Variants in AP3B2 observed in about 807,000 individuals in gnomAD.
AP3B2 encodes the protein AP-3 complex subunit beta-2.
AP3B2 carries 50 observed loss-of-function variants against 126.9 expected under a neutral mutation model. That is an observed-to-expected ratio of 0.39 (90% CI 0.31 to 0.50). AP3B2 has a LOEUF of 0.50. Among genes scored for constraint, AP3B2 ranks in the 20% least tolerant of loss-of-function variants. AP3B2 has a pLI of 0.79. For synonymous variants in AP3B2, 541 were observed against 565.0 expected, an observed-to-expected ratio of 0.96 and a Z score of 0.60; for missense variants, 1,177 against 1,426.4, an observed-to-expected ratio of 0.83 and a Z score of 2.82.
intron 10 of AP3B2, 51 bp downstream of exon 10, chr15:82,679,678 A>C: frequency 2.0e-6 from 3 of 1,520,956 alleles, no homozygotes; most frequent in Non-Finnish European, 9.1e-7. Flanking sequence ...TTGAGTGGGT[A>C]CATGGGGTGG....
At chr15:82,685,088 A>T (rs574151816) in intron 4 of AP3B2, 1 of 152,328 alleles carries the variant, frequency 6.6e-6, no homozygotes, top group Admixed American at 6.5e-5. Flanking sequence ...AACACACACA[A>T]CATTTATTGA....
At position 82,666,884 on chromosome 15, in the gene AP3B2, T is replaced by A; in HGVS notation, c.1715A>T (p.Asn572Ile). 1 of 1,613,988 alleles carries A rather than the reference T, an allele frequency of 6.2e-7. No individual in the cohort carries two copies. Among genetic ancestry groups the A allele is most frequent in the Non-Finnish European group, 8.5e-7 (1 of 1,179,852 alleles). Residue 572 changes from asparagine to isoleucine, a missense_variant, in exon 15 of 27, where the codon AAC becomes ATC. Asn to Ile is a moderately radical substitution (Grantham distance 149). This residue lies in a region of AP3B2 where 308 missense variants were observed against 452.4 expected (regional missense o/e 0.68). Transcript: ENST00000535359. ...YVLSLAKYDQ[N>I]YDIRDRARFT... ...GCGCGCCCGGTCGCGAATATCATAGTTCTGGTCATATTTGGCCAGACTCAG... is the reference window on the plus strand; with the variant it reads ...GCGCGCCCGGTCGCGAATATCATAGATCTGGTCATATTTGGCCAGACTCAG...
At chr15:82,676,990 C>T (rs900600609) in intron 13 of AP3B2, among the ~76,000 whole-genome samples, 2 of 152,046 alleles carry the variant, frequency 1.3e-5, no homozygotes, top group Non-Finnish European at 1.5e-5. Context: ...CTTAGCAGTG[C>T]GATAGAAAAA....
intron 10 of AP3B2, among the ~76,000 whole-genome samples, chr15:82,678,657 T>C (rs2048282473): frequency 6.6e-6 from 1 of 152,212 alleles, no homozygotes; most frequent in South Asian, 2.1e-4. Context: ...AGGCTTCAGC[T>C]CAAGTCTCAT....
intron 1 of AP3B2, among the ~76,000 whole-genome samples, chr15:82,706,711 C>G (rs2048801080): frequency 6.6e-6 from 1 of 152,206 alleles, no homozygotes; most frequent in African/African-American, 2.4e-5. Flanking sequence ...CTTCTAGCCT[C>G]ACAGGCCCAT....
intron 1 of AP3B2, among the ~76,000 whole-genome samples, chr15:82,706,891 C>T (rs1333569518): frequency 6.6e-6 from 1 of 152,222 alleles, no homozygotes; most frequent in African/African-American, 2.4e-5. Context: ...AGGCCCCCTC[C>T]CTTCCCTACA....
At chr15:82,671,915 G>A (rs750822562) in intron 14 of AP3B2, among the ~76,000 whole-genome samples, 33 of 151,986 alleles carry the variant, frequency 2.2e-4, no homozygotes, top group Non-Finnish European at 4.0e-4. Flanking sequence ...TTGGTGGCGG[G>A]CGCCTGTAAT....
At chr15:82,677,988 G>A in intron 11 of AP3B2, 117 bp downstream of exon 11, 2 of 1,396,304 alleles carry the variant, frequency 1.4e-6, no homozygotes, top group East Asian at 2.5e-5. Context: ...ATTGGAACGG[G>A]AATGTAAGAT....
chr15:82,677,604 A>G, intron 12 of AP3B2, 67 bp downstream of exon 12: 8 of 1,478,096 alleles, frequency 5.4e-6, no homozygotes, highest in South Asian at 1.4e-5. Context: ...TCCAGTGGCC[A>G]GCAGAGTCAG....
intron 1 of AP3B2, among the ~76,000 whole-genome samples, chr15:82,700,654 C>T (rs2048707090): frequency 6.6e-6 from 1 of 151,766 alleles, no homozygotes. Context: ...CTGCCTCAGC[C>T]TCCCAAAGTG....
rs2048341299 is a variant in AP3B2, at chr15:82,681,681, C to G, written c.361-101G>C. 7.7e-7 allele frequency: 1 copy of G among 1,290,858 alleles called. No homozygotes were observed. Among genetic ancestry groups the G allele is most frequent in the African/African-American group, 1.5e-5 (1 of 67,584 alleles). The allele number at this position is 1,290,858 out of a possible 1,614,324, so 80.0% of individuals were successfully genotyped here. Reference sequence around the variant, plus strand: ...TCACTGTCCCCAGCGACCACTAGCTCTTGCTTCCCTGCCGCTTGACTGGAG... The same window carrying G: ...TCACTGTCCCCAGCGACCACTAGCTGTTGCTTCCCTGCCGCTTGACTGGAG... On this transcript the variant is annotated intron_variant, in intron 4 of 26. Coordinates refer to ENST00000535359, the MANE Select transcript of AP3B2 (RefSeq NM_001278512.2). This position sits in a 1 kb window ranked among gnomAD's most constrained non-coding sequence, Gnocchi z 4.0.
intron 10 of AP3B2, among the ~76,000 whole-genome samples, chr15:82,679,313 G>A (rs1239798262): frequency 1.3e-5 from 2 of 152,098 alleles, no homozygotes; most frequent in Admixed American, 6.6e-5. Flanking sequence ...TCGTTGAGAC[G>A]AGGTTTTGCT....
Position 82,679,802 on chromosome 15 carries a change from T to C in AP3B2, c.1111-2A>G. 1 of 1,613,796 alleles carries C rather than the reference T, an allele frequency of 6.2e-7. No homozygotes were observed. Among genetic ancestry groups the C allele is most frequent in the Non-Finnish European group, 8.5e-7 (1 of 1,179,768 alleles). On this transcript the variant is annotated splice_acceptor_variant, in intron 9 of 26. Coordinates refer to ENST00000535359, the MANE Select transcript of AP3B2 (RefSeq NM_001278512.2). LOFTEE classifies it high-confidence loss of function. ...CTTCAGGTAGGGCTCAAACATACCC[T>C]GGCACAAGAGAGGCAGCTAGGGAGC...
At chr15:82,686,181 G>A (rs1482377611) in intron 4 of AP3B2, 1 of 152,202 alleles carries the variant, frequency 6.6e-6, no homozygotes, top group Non-Finnish European at 1.5e-5. Flanking sequence ...ATGAAATAGA[G>A]TAGGGTTTCA....
At chr15:82,677,225 C>G in intron 13 of AP3B2, 49 bp downstream of exon 13, 3 of 1,440,976 alleles carry the variant, frequency 2.1e-6, no homozygotes, top group Non-Finnish European at 2.9e-6. Flanking sequence ...GTCTTGAAAT[C>G]ATGGGGAGGA....
intron 14 of AP3B2, among the ~76,000 whole-genome samples, chr15:82,675,247 C>G (rs2048225274): frequency 6.6e-6 from 1 of 152,226 alleles, no homozygotes; most frequent in African/African-American, 2.4e-5. Flanking sequence ...CTCCTTCCAC[C>G]TGAAGACCTA....
chr15:82,672,701 C>T (rs1185999890), intron 14 of AP3B2, among the ~76,000 whole-genome samples: 1 of 152,096 alleles, frequency 6.6e-6, no homozygotes, highest in Non-Finnish European at 1.5e-5. Context: ...ATGCCTGTAT[C>T]AAAATATCTC....
chr15:82,689,007 A>G, intron 3 of AP3B2, 151 bp downstream of exon 3: 1 of 1,030,648 alleles, frequency 9.7e-7, no homozygotes, highest in Non-Finnish European at 1.5e-6. Flanking sequence ...CATCCAGTTC[A>G]GGGACATGGA....
At position 82,681,369 on chromosome 15, in the gene AP3B2, A is replaced by AG; in HGVS notation, c.521+50dup. 1 of 1,603,378 alleles carries AG rather than the reference A, an allele frequency of 6.2e-7. No homozygotes were observed. Among genetic ancestry groups the AG allele is most frequent in the Non-Finnish European group, 8.5e-7 (1 of 1,174,096 alleles). Reference sequence around the variant, plus strand: ...CTTAGGAAAGGCCAGGGGTGGGTTGAGAACTTAGGAACCAGCCTCCTGGGG... The same window carrying AG: ...CTTAGGAAAGGCCAGGGGTGGGTTGAGGAACTTAGGAACCAGCCTCCTGGGG... On this transcript the variant is annotated intron_variant, in intron 5 of 26. Transcript: ENST00000535359. The surrounding 1 kb of genome is among the most constrained non-coding windows in gnomAD (Gnocchi z 4.0).
Sources: allele counts gnomAD v4.1 joint callset (sites outside exome capture counted in the v4.1 genomes callset), GRCh38; gene constraint gnomAD v4.1.1; regional missense constraint gnomAD v4.1.1; non-coding constraint Gnocchi (gnomAD v3.1); transcripts MANE v1.5; gene names NCBI Gene and HGNC (gene_info 2026-07-23, HGNC 2026-07-21).